Variants in CDKAL1 observed in about 807,000 individuals in gnomAD.
The protein encoded by CDKAL1 is threonylcarbamoyladenosine tRNA methylthiotransferase.
Under a neutral mutation model 68.2 loss-of-function variants are expected in CDKAL1, and 32 were observed. That is an observed-to-expected ratio of 0.47 (90% CI 0.35 to 0.63). The LOEUF (loss-of-function observed/expected upper bound fraction) is 0.63, where lower values mean the gene tolerates loss of function less well. CDKAL1 is among the 30% of genes least tolerant of loss of function. CDKAL1 has a pLI of 0.00. For missense variants in CDKAL1, 606 were observed against 696.7 expected (o/e 0.87, Z 1.47); for synonymous variants, 234 against 244.3 (o/e 0.96, Z 0.39).
intron 5 of CDKAL1, among the ~76,000 whole-genome samples, chr6:20,711,977 C>T (rs1252892322): frequency 1.3e-5 from 2 of 152,146 alleles, no homozygotes; most frequent in Non-Finnish European, 2.9e-5. Flanking sequence ...AATGAAGATG[C>T]CATGACTGAC....
In CDKAL1 at chr6:20,983,671, C is replaced by T. The variant is rs1047172761; in HGVS notation, c.910-16556C>T. Among the ~76,000 whole-genome samples, 8 of 152,060 alleles carry T rather than the reference C, an allele frequency of 5.3e-5. No individual in the cohort carries two copies. In the East Asian group the frequency reaches 9.6e-4, roughly 18 times the overall value. Reference sequence around the variant, plus strand: ...GAGGGGCTGAGGTTGCAGTGAGCTGCGATCATGCCACTGCACTCCAGCCTG... The same window carrying T: ...GAGGGGCTGAGGTTGCAGTGAGCTGTGATCATGCCACTGCACTCCAGCCTG... On this transcript the variant is annotated intron_variant, in intron 10 of 15. Coordinates refer to ENST00000274695, the MANE Select transcript of CDKAL1 (RefSeq NM_017774.3).
chr6:21,031,564 C>T (rs1362837001), intron 11 of CDKAL1, among the ~76,000 whole-genome samples: 1 of 151,854 alleles, frequency 6.6e-6, no homozygotes, highest in African/African-American at 2.4e-5. Context: ...CTACCACACA[C>T]TGGTTTATGG....
intron 12 of CDKAL1, among the ~76,000 whole-genome samples, chr6:21,089,672 C>A (rs1287900078): frequency 6.6e-6 from 1 of 152,060 alleles, no homozygotes; most frequent in African/African-American, 2.4e-5. Context: ...TACACAAACA[C>A]CTTCAAAAGG....
chr6:20,540,075 G>GTTTTTTTTTTT (rs1763327687), intron 2 of CDKAL1, among the ~76,000 whole-genome samples: 4 of 111,400 alleles, frequency 3.6e-5, no homozygotes, highest in African/African-American at 1.5e-4. Flanking sequence ...GATTGGGATT[G>GTTTTTTTTTTT]TCTTTTTTTT....
chr6:21,025,562 G>A (rs1768907590), intron 11 of CDKAL1, among the ~76,000 whole-genome samples: 1 of 152,078 alleles, frequency 6.6e-6, no homozygotes, highest in Non-Finnish European at 1.5e-5. Flanking sequence ...TGTTTGTTTG[G>A]GGGTAGGAAT....
intron 11 of CDKAL1, among the ~76,000 whole-genome samples, chr6:21,049,030 G>C (rs564923891): frequency 2.0e-5 from 3 of 152,208 alleles, no homozygotes; most frequent in South Asian, 2.1e-4. Context: ...ACTTAGGGGT[G>C]GGGGTGGAGG....
chr6:21,199,843 T>G (rs895152136), intron 14 of CDKAL1, among the ~76,000 whole-genome samples: 1 of 152,218 alleles, frequency 6.6e-6, no homozygotes, highest in Non-Finnish European at 1.5e-5. Context: ...CCCTAAGTAA[T>G]TCACCACCCA....
intron 8 of CDKAL1, among the ~76,000 whole-genome samples, chr6:20,783,343 T>A (rs1455464543): frequency 6.6e-6 from 1 of 152,172 alleles, no homozygotes; most frequent in East Asian, 1.9e-4. Flanking sequence ...ATCCATTAGG[T>A]CTCTGCATGG....
intron 11 of CDKAL1, among the ~76,000 whole-genome samples, chr6:21,032,111 C>T (rs1013010051): frequency 6.6e-6 from 1 of 152,128 alleles, no homozygotes; most frequent in Non-Finnish European, 1.5e-5. Flanking sequence ...ATCTTTGGCT[C>T]ACTCCAACCA....
intron 9 of CDKAL1, among the ~76,000 whole-genome samples, chr6:20,916,128 A>G (rs2150636182): frequency 6.6e-6 from 1 of 152,320 alleles, no homozygotes; most frequent in South Asian, 2.1e-4. Flanking sequence ...ACATGAATCT[A>G]TAATGCAATA....
chr6:20,968,005 ATCTCTTGCTGCTG>A (rs1488381284), intron 10 of CDKAL1, among the ~76,000 whole-genome samples: 1 of 151,868 alleles, frequency 6.6e-6, no homozygotes, highest in African/African-American at 2.4e-5. Context: ...TAAGTTGCTG[ATCTCTTGCTGCTG>A]TCAGGATTCG....
intron 10 of CDKAL1, among the ~76,000 whole-genome samples, chr6:20,970,688 A>G (rs1448079092): frequency 1.3e-5 from 2 of 152,200 alleles, no homozygotes; most frequent in Non-Finnish European, 2.9e-5. Context: ...GCAAATGATC[A>G]CTATTAATTG....
chr6:21,093,317 A>G (rs1773141600), intron 12 of CDKAL1, among the ~76,000 whole-genome samples: 1 of 152,226 alleles, frequency 6.6e-6, no homozygotes, highest in Non-Finnish European at 1.5e-5. Context: ...TGTACCCACC[A>G]AAGTATTCAT....
chr6:21,004,655 A>T (rs1165285160), intron 11 of CDKAL1, among the ~76,000 whole-genome samples: 1 of 152,094 alleles, frequency 6.6e-6, no homozygotes, highest in Non-Finnish European at 1.5e-5. Flanking sequence ...AAGCGGTGCA[A>T]TTCTGGTTTT....
intron 12 of CDKAL1, among the ~76,000 whole-genome samples, chr6:21,093,465 C>G (rs946018514): frequency 7.9e-5 from 12 of 152,052 alleles, no homozygotes; most frequent in Admixed American, 7.9e-4. Flanking sequence ...GAGAGGTGAG[C>G]GAAATCTCCA....
rs1459762206 is a variant in CDKAL1 at position 20,765,178 on chromosome 6, A to T, written c.517+6535A>T. 9.3e-4 allele frequency among the ~76,000 whole-genome samples: 20 copies of T among 21,604 alleles called. 5 individuals carry two copies. The highest frequency in any genetic ancestry group is 1.5e-3 in the Non-Finnish European group (19 of 13,094). 14.2% of individuals were successfully genotyped at this position (21,604 alleles called of 152,430 possible). Reference sequence around the variant, plus strand: ...TTTTTTTTTTTTTTTTTTTTTTGAGACGGAGTCTCGCTCTGTCGCCCAGGC... The same window carrying T: ...TTTTTTTTTTTTTTTTTTTTTTGAGTCGGAGTCTCGCTCTGTCGCCCAGGC... On this transcript the variant is annotated intron_variant, in intron 7 of 15. Coordinates refer to ENST00000274695, the MANE Select transcript of CDKAL1 (RefSeq NM_017774.3).
At chr6:20,551,370 CTTT>C (rs34611621) in intron 4 of CDKAL1, among the ~76,000 whole-genome samples, 3 of 141,472 alleles carry the variant, frequency 2.1e-5, no homozygotes, top group African/African-American at 2.6e-5. Flanking sequence ...ACTAAAATAT[CTTT>C]TTTTTTTTTT....
At chr6:20,970,623 G>A (rs1041308231) in intron 10 of CDKAL1, among the ~76,000 whole-genome samples, 7 of 152,164 alleles carry the variant, frequency 4.6e-5, no homozygotes, top group African/African-American at 1.7e-4. Flanking sequence ...TTATGGTGCT[G>A]TCTTCCTCAT....
intron 9 of CDKAL1, among the ~76,000 whole-genome samples, chr6:20,883,645 T>G (rs1470330075): frequency 6.6e-6 from 1 of 152,252 alleles, no homozygotes; most frequent in Non-Finnish European, 1.5e-5. Context: ...TCTTGATATA[T>G]GCATCTTTCT....
Sources: gnomAD v4.1 joint callset for allele counts (sites outside exome capture counted in the v4.1 genomes callset) on GRCh38, gnomAD v4.1.1 for gene constraint, MANE v1.5 for transcripts, NCBI Gene and HGNC (gene_info 2026-07-23, HGNC 2026-07-21) for gene names.